Variants in ANKRD55 observed in about 807,000 individuals in gnomAD.
ANKRD55 encodes ankyrin repeat domain 55.
A neutral mutation model predicts 60.6 loss-of-function variants in ANKRD55; 41 were observed. The observed-to-expected ratio is 0.68, with a 90% CI of 0.53 to 0.88. The LOEUF is 0.88. Among genes scored for constraint, ANKRD55 ranks in the 40% least tolerant of loss-of-function variants. ANKRD55 has a pLI of 0.00. For synonymous variants in ANKRD55, 264 were observed against 290.3 expected (o/e 0.91, Z 0.92); for missense variants, 732 against 767.6 (o/e 0.95, Z 0.55).
intron 6 of ANKRD55, among the ~76,000 whole-genome samples, chr5:56,145,404 T>C (rs1757873217): frequency 6.6e-6 from 1 of 152,216 alleles, no homozygotes; most frequent in Non-Finnish European, 1.5e-5. Flanking sequence ...TTTTTCCTCA[T>C]ATATCAACAG....
At chr5:56,210,877 TAGTC>T (rs1247910488) in intron 2 of ANKRD55, among the ~76,000 whole-genome samples, 4 of 152,244 alleles carry the variant, frequency 2.6e-5, no homozygotes, top group South Asian at 2.1e-4. Context: ...TTTTTCAAAA[TAGTC>T]AGTTATTAGT....
chr5:56,155,865 A>C (rs1034654263), intron 6 of ANKRD55, among the ~76,000 whole-genome samples: 1 of 143,688 alleles, frequency 7.0e-6, no homozygotes, highest in East Asian at 2.0e-4. Context: ...AAAAAAAAAA[A>C]CCAAAACCAT....
At chr5:56,129,064 G>A (rs1447171310) in intron 7 of ANKRD55, among the ~76,000 whole-genome samples, 1 of 152,098 alleles carries the variant, frequency 6.6e-6, no homozygotes, top group East Asian at 1.9e-4. Context: ...AGAATTTCAG[G>A]GAGCCTTAGA....
chr5:56,189,322 A>T (rs1297523103), intron 2 of ANKRD55, among the ~76,000 whole-genome samples: 1 of 152,024 alleles, frequency 6.6e-6, no homozygotes, highest in Non-Finnish European at 1.5e-5. Flanking sequence ...AAAAAAAAAA[A>T]AAAAAATGTG....
At chr5:56,222,126 A>T (rs974095669) in intron 2 of ANKRD55, among the ~76,000 whole-genome samples, 1 of 152,208 alleles carries the variant, frequency 6.6e-6, no homozygotes, top group Non-Finnish European at 1.5e-5. Flanking sequence ...TCATATAGCC[A>T]GGTGCCTCTC....
intron 10 of ANKRD55, chr5:56,110,894 C>T: frequency 1.8e-6 from 1 of 570,164 alleles, no homozygotes; most frequent in Non-Finnish European, 3.1e-6. Flanking sequence ...TGAGAAGGCA[C>T]ATATTTGTAC....
chr5:56,116,282 C>T (rs1756884623), intron 9 of ANKRD55, among the ~76,000 whole-genome samples: 1 of 151,910 alleles, frequency 6.6e-6, no homozygotes, highest in South Asian at 2.1e-4. Context: ...TGAGACTCAT[C>T]AAATTAGGCA....
intron 7 of ANKRD55, among the ~76,000 whole-genome samples, chr5:56,143,165 AG>A (rs1463766553): frequency 2.6e-5 from 4 of 152,240 alleles, no homozygotes; most frequent in Non-Finnish European, 5.9e-5. Flanking sequence ...GTTTATGCAA[AG>A]GATGCTCTCC....
intron 2 of ANKRD55, among the ~76,000 whole-genome samples, chr5:56,229,108 T>TTC (rs1292509701): frequency 6.7e-6 from 1 of 150,304 alleles, no homozygotes; most frequent in African/African-American, 2.5e-5. Flanking sequence ...TTTTTTTTTT[T>TTC]TTCCCTGTTT....
chr5:56,128,334 G>A lies in ANKRD55; in HGVS notation c.613-1228C>T, dbSNP rs7704490. Reference sequence around the variant, plus strand: ...ATGGAGAAAACAAAACCCCACACTCGTACTCTCTTCCTTTCGCCTCCCTCG... The same window carrying A: ...ATGGAGAAAACAAAACCCCACACTCATACTCTCTTCCTTTCGCCTCCCTCG... On this transcript the variant is annotated intron_variant, in intron 7 of 11. Coordinates refer to ENST00000341048, the MANE Select transcript of ANKRD55 (RefSeq NM_024669.3). Among the ~76,000 whole-genome samples, 135 of 152,222 alleles carry A rather than the reference G, an allele frequency of 8.9e-4. 3 individuals are homozygous for A. Among genetic ancestry groups the A allele is most frequent in the African/African-American group, 3.0e-3 (124 of 41,532 alleles).
At chr5:56,108,022 A>G (rs1487536300) in intron 10 of ANKRD55, among the ~76,000 whole-genome samples, 1 of 151,910 alleles carries the variant, frequency 6.6e-6, no homozygotes, top group Non-Finnish European at 1.5e-5. Context: ...GGCAAGTACC[A>G]CTACTCCTGG....
intron 8 of ANKRD55, chr5:56,117,002 C>G (rs1431182098): frequency 7.0e-6 from 3 of 428,008 alleles, no homozygotes; most frequent in Non-Finnish European, 1.2e-5. Context: ...CATCTACACT[C>G]TCTGGCCTTT....
At chr5:56,120,671 A>G (rs988685251) in intron 8 of ANKRD55, among the ~76,000 whole-genome samples, 1 of 152,052 alleles carries the variant, frequency 6.6e-6, no homozygotes, top group Non-Finnish European at 1.5e-5. Flanking sequence ...AGGCCAAGGC[A>G]GGCGGATCAC....
At position 56,106,420 on chromosome 5, in the gene ANKRD55, C is replaced by CTTTTTTTTTTTTT. The variant is rs71602938; in HGVS notation, c.1631-3847_1631-3835dup. Among the ~76,000 whole-genome samples, 17 of 96,918 alleles carry CTTTTTTTTTTTTT rather than the reference C, an allele frequency of 1.8e-4. 1 individual carries two copies. The highest frequency in any genetic ancestry group is 5.3e-4 in the African/African-American group (9 of 17,138). 63.6% of individuals were successfully genotyped at this position (96,918 alleles called of 152,430 possible). ...AATAAAATCCGTAAGGCTAGGAAAG[C>CTTTTTTTTTTTTT]TTTTTTTTTTTTTTTTTTTTTTTGA... On this transcript the variant is annotated intron_variant, in intron 10 of 11. Coordinates refer to ENST00000341048, the MANE Select transcript of ANKRD55 (RefSeq NM_024669.3).
intron 2 of ANKRD55, among the ~76,000 whole-genome samples, chr5:56,223,281 TC>T (rs1760018131): frequency 6.6e-6 from 1 of 152,070 alleles, no homozygotes; most frequent in Non-Finnish European, 1.5e-5. Flanking sequence ...AGAAATAAAA[TC>T]CTTTGCAGAC....
At chr5:56,210,012 T>C (rs542532171) in intron 2 of ANKRD55, among the ~76,000 whole-genome samples, 1 of 152,216 alleles carries the variant, frequency 6.6e-6, no homozygotes, top group East Asian at 1.9e-4. Context: ...CATTTTTTTC[T>C]TTTTTTAAAA....
At chr5:56,112,511 A>AAAAAAAAACAAAAAAACAAAAAAAC (rs1756755508) in intron 9 of ANKRD55, among the ~76,000 whole-genome samples, 2 of 81,528 alleles carry the variant, frequency 2.5e-5, no homozygotes, top group African/African-American at 1.1e-4. Flanking sequence ...TAGCAAAAAA[A>AAAAAAAAACAAAAAAACAAAAAAAC]AAAAAAAAAA....
chr5:56,122,498 A>C (rs1561257094), intron 8 of ANKRD55, among the ~76,000 whole-genome samples: 1 of 151,468 alleles, frequency 6.6e-6, no homozygotes, highest in East Asian at 2.0e-4. Flanking sequence ...TAAAAAAAAA[A>C]CAAACCCAAA....
intron 8 of ANKRD55, among the ~76,000 whole-genome samples, chr5:56,123,515 G>A (rs1389702534): frequency 6.6e-6 from 1 of 152,136 alleles, no homozygotes; most frequent in Non-Finnish European, 1.5e-5. Context: ...TTCTATGTGA[G>A]AGAGGTCTCC....
Sources: allele counts gnomAD v4.1 joint callset (sites outside exome capture counted in the v4.1 genomes callset), GRCh38; gene constraint gnomAD v4.1.1; transcripts MANE v1.5; gene names NCBI Gene and HGNC (gene_info 2026-07-23, HGNC 2026-07-21).